Variants in ZNF678 observed in about 807,000 individuals in gnomAD.
ZNF678 encodes hypothetical protein MGC42493.
In ZNF678, 5 loss-of-function variants were observed where a neutral mutation model predicts 3.0. The ratio of observed to expected loss-of-function variants is 1.69; its 90% CI spans 0.88 to 3.56. The LOEUF (loss-of-function observed/expected upper bound fraction) is 3.56, where lower values mean the gene tolerates loss of function less well. Among genes scored for constraint, ZNF678 ranks in the 30% most tolerant of loss-of-function variants. The pLI is 0.00. For missense variants in ZNF678, 593 were observed against 605.0 expected, an observed-to-expected ratio of 0.98 and a Z score of 0.21; for synonymous variants, 218 against 199.6, an observed-to-expected ratio of 1.09 and a Z score of -0.78.
At chr1:227,675,097 C>G (rs777025582) in intron 5 of ZNF678, among the ~76,000 whole-genome samples, 1 of 152,058 alleles carries the variant, frequency 6.6e-6, no homozygotes. Context: ...ATATTGAAGC[C>G]GTAACCTGAA....
At chr1:227,626,071 T>A (rs1359500104) in intron 1 of ZNF678, among the ~76,000 whole-genome samples, 1 of 152,152 alleles carries the variant, frequency 6.6e-6, no homozygotes, top group Non-Finnish European at 1.5e-5. Context: ...CTGCTGGTAG[T>A]ACAGCAGTAT....
intron 1 of ZNF678, among the ~76,000 whole-genome samples, chr1:227,626,458 T>C (rs182316262): frequency 7.9e-4 from 120 of 152,328 alleles, no homozygotes; most frequent in African/African-American, 2.7e-3. Flanking sequence ...GTCACCAGGT[T>C]GGAATAATTC....
At chr1:227,565,640 A>G (rs386498563) in intron 1 of ZNF678, among the ~76,000 whole-genome samples, 169 of 152,284 alleles carry the variant, frequency 1.1e-3, no homozygotes, top group Non-Finnish European at 2.1e-3. Flanking sequence ...TTGGCACTCT[A>G]TTGTAAAGAA....
intron 1 of ZNF678, among the ~76,000 whole-genome samples, chr1:227,565,049 C>T (rs1206424115): frequency 1.5e-5 from 2 of 129,650 alleles, no homozygotes; most frequent in Non-Finnish European, 1.6e-5. Context: ...TTTTTCCCTA[C>T]CCGGCTTTTT....
At chr1:227,627,165 G>T (rs1206114963) in intron 1 of ZNF678, among the ~76,000 whole-genome samples, 1 of 151,332 alleles carries the variant, frequency 6.6e-6, no homozygotes, top group Non-Finnish European at 1.5e-5. Context: ...AAAAGGTGTG[G>T]TCTAGTAAAT....
intron 1 of ZNF678, among the ~76,000 whole-genome samples, chr1:227,619,169 C>T (rs1388133935): frequency 6.6e-6 from 1 of 152,172 alleles, no homozygotes; most frequent in African/African-American, 2.4e-5. Flanking sequence ...GGTGGGGACA[C>T]AGAGCCAAAC....
chr1:227,654,999 C>G lies in ZNF678; in HGVS notation c.749C>G (p.Ser250Ter), dbSNP rs763483607. Residue 250 changes from serine to a stop codon, truncating the protein, a stop_gained, in exon 4 of 4, where the codon TCA becomes TGA. Coordinates refer to ENST00000343776, the MANE Select transcript of ZNF678 (RefSeq NM_001367909.1). LOFTEE classifies it low-confidence loss of function (END_TRUNC). ...KECCKAFNKF[S>*]NLTQHKRIHT... Reference sequence around the variant, plus strand: ...TGTTGCAAAGCCTTTAACAAGTTCTCAAACCTTACTCAACATAAGAGAATT... The same window carrying G: ...TGTTGCAAAGCCTTTAACAAGTTCTGAAACCTTACTCAACATAAGAGAATT... The G allele has an allele frequency of 6.8e-6, 11 of 1,612,158 alleles. No individual in the cohort carries two copies. Among genetic ancestry groups the G allele is most frequent in the Non-Finnish European group, 8.5e-6 (10 of 1,179,390 alleles).
downstream of ZNF678, among the ~76,000 whole-genome samples, chr1:227,662,615 A>G (rs1659434514): frequency 6.6e-6 from 1 of 152,192 alleles, no homozygotes; most frequent in Non-Finnish European, 1.5e-5. Flanking sequence ...AATGACTGAA[A>G]GGTGACTCAA....
chr1:227,615,179 G>T (rs765014932), intron 1 of ZNF678, among the ~76,000 whole-genome samples: 2 of 152,156 alleles, frequency 1.3e-5, no homozygotes, highest in Admixed American at 6.5e-5. Flanking sequence ...TACTGTTATT[G>T]GATGAAACTT....
chr1:227,663,497 C>A (rs1659451010), downstream of ZNF678, among the ~76,000 whole-genome samples: 1 of 152,154 alleles, frequency 6.6e-6, no homozygotes, highest in African/African-American at 2.4e-5. Context: ...GATACCTTAA[C>A]CTTTTTGGGT....
At chr1:227,653,293 TTC>T in intron 3 of ZNF678, among the ~76,000 whole-genome samples, 1 of 152,086 alleles carries the variant, frequency 6.6e-6, no homozygotes, top group South Asian at 2.1e-4. Context: ...GTATAAACAT[TTC>T]TGTTATTTTC....
chr1:227,575,431 A>G (rs1331013010), intron 1 of ZNF678, among the ~76,000 whole-genome samples: 1 of 152,042 alleles, frequency 6.6e-6, no homozygotes, highest in African/African-American at 2.4e-5. Flanking sequence ...GCAGCATTTT[A>G]TAGTTCTCCT....
At chr1:227,647,285 T>C (rs1440292620) in intron 2 of ZNF678, among the ~76,000 whole-genome samples, 1 of 152,134 alleles carries the variant, frequency 6.6e-6, no homozygotes, top group Non-Finnish European at 1.5e-5. Context: ...AACCTATACA[T>C]TTAAAATCCT....
At chr1:227,563,774 G>T (rs774131059) in intron 1 of ZNF678, 50 bp downstream of exon 1, 2 of 1,302,516 alleles carry the variant, frequency 1.5e-6, no homozygotes, top group Non-Finnish European at 2.0e-6. Flanking sequence ...GCCTCCCGGC[G>T]TCAGCACTAG....
intron 1 of ZNF678, among the ~76,000 whole-genome samples, chr1:227,587,479 G>A (rs1355947222): frequency 1.1e-4 from 16 of 152,106 alleles, no homozygotes; most frequent in Admixed American, 1.0e-3. Context: ...CAAGCCCATT[G>A]CTATAATTTT....
intron 1 of ZNF678, among the ~76,000 whole-genome samples, chr1:227,635,886 C>T (rs145555559): frequency 6.6e-6 from 1 of 152,196 alleles, no homozygotes; most frequent in East Asian, 1.9e-4. Flanking sequence ...GGGAAAGAAT[C>T]TTACATTCCT....
rs138801672 is a variant in ZNF678, at chr1:227,654,454, A to C, written c.204A>C (p.Lys68Asn). Reference protein sequence around the residue: ...SWGLDNLHLVKDWRTVNEGKG... With the variant: ...SWGLDNLHLVNDWRTVNEGKG... ...GCCTTGACAATTTGCACTTAGTGAAAGACTGGAGAACTGTGAATGAAGGTA... is the reference window on the plus strand; with the variant it reads ...GCCTTGACAATTTGCACTTAGTGAACGACTGGAGAACTGTGAATGAAGGTA... Residue 68 changes from lysine to asparagine, a missense_variant, in exon 4 of 4, where the codon AAA becomes AAC. Lys to Asn is a moderately conservative substitution (Grantham distance 94). Transcript: ENST00000343776. 26 of 1,613,110 alleles carry C rather than the reference A, an allele frequency of 1.6e-5. No individual in the cohort carries two copies. The highest frequency in any genetic ancestry group is 1.9e-5 in the Non-Finnish European group (22 of 1,179,446).
At chr1:227,623,250 T>A (rs1658325156) in intron 1 of ZNF678, among the ~76,000 whole-genome samples, 1 of 152,264 alleles carries the variant, frequency 6.6e-6, no homozygotes, top group Non-Finnish European at 1.5e-5. Context: ...AACTATTTAA[T>A]CAGTGAATAA....
At position 227,655,865 on chromosome 1, in the gene ZNF678, A is replaced by G. The variant is rs370115238; in HGVS notation, c.*37A>G. ...TTATACATGGCTTCACTAATTTCAT[A>G]CTGAATAAAAGTGGTATGAGCATAA... is the stretch of plus-strand genomic sequence containing the variant. On this transcript the variant is annotated 3_prime_UTR_variant, in exon 4 of 4. Transcript: ENST00000343776. 6.6e-7 allele frequency: 1 copy of G among 1,522,602 alleles called. No individual in the cohort carries two copies. The highest frequency in any genetic ancestry group is 8.8e-7 in the Non-Finnish European group (1 of 1,137,998). 94.3% of individuals were successfully genotyped at this position (1,522,602 alleles called of 1,614,324 possible).
Sources: allele counts gnomAD v4.1 joint callset (sites outside exome capture counted in the v4.1 genomes callset), GRCh38; gene constraint gnomAD v4.1.1; transcripts MANE v1.5; gene names NCBI Gene and HGNC (gene_info 2026-07-23, HGNC 2026-07-21).